Variants in TMEM254 observed in about 807,000 individuals in gnomAD.
The protein encoded by TMEM254 is transmembrane protein 254, also known as transmembrane protein C10orf57.
In TMEM254, 16 loss-of-function variants were observed where a neutral mutation model predicts 13.9. That is an observed-to-expected ratio of 1.15 (90% CI 0.78 to 1.75). TMEM254 has a LOEUF of 1.75. TMEM254 is among the 40% of genes most tolerant of loss of function. TMEM254 has a pLI of 0.00. For synonymous variants in TMEM254, 61 were observed against 56.4 expected, an observed-to-expected ratio of 1.08 and a Z score of -0.36; for missense variants, 155 against 149.0, an observed-to-expected ratio of 1.04 and a Z score of -0.21.
At chr10:80,084,178 C>T (rs576225124) in intron 3 of TMEM254, among the ~76,000 whole-genome samples, 1 of 152,262 alleles carries the variant, frequency 6.6e-6, no homozygotes, top group Non-Finnish European at 1.5e-5. Context: ...AGTATTGGCT[C>T]TTTCTCTCTA....
At chr10:80,082,083 G>T in intron 2 of TMEM254, 62 bp from the exon 3 acceptor site, 1 of 1,597,178 alleles carries the variant, frequency 6.3e-7, no homozygotes, top group Non-Finnish European at 8.6e-7. Context: ...AGATTGCTGT[G>T]TTAGATTTCA....
Position 80,083,652 on chromosome 10 carries a change from C to T in TMEM254, c.251+1448C>T, listed in dbSNP as rs142821618. 4.2e-3 allele frequency among the ~76,000 whole-genome samples: 641 copies of T among 152,298 alleles called. 8 individuals carry two copies. The highest frequency in any genetic ancestry group is 0.015 in the African/African-American group (613 of 41,560). On this transcript the variant is annotated intron_variant, in intron 3 of 3. Coordinates refer to ENST00000372281, the MANE Select transcript of TMEM254 (RefSeq NM_025125.4). ...TTTTCATCCAGCTGGGGCTCAGGAG[C>T]CTGCAGTGGGGAGAAGGGTGCAGTT...
intron 3 of TMEM254, among the ~76,000 whole-genome samples, chr10:80,089,678 T>TG (rs112486443): frequency 0.34 from 49,734 of 147,630 alleles, 8,334 homozygotes; most frequent in Middle Eastern, 0.38. Context: ...ACCCCATCTC[T>TG]GGGGGGGTTG....
chr10:80,081,745 A>T (rs1844039965), intron 1 of TMEM254, 96 bp from the exon 2 acceptor site: 1 of 1,609,474 alleles, frequency 6.2e-7, no homozygotes, highest in African/African-American at 1.3e-5. Flanking sequence ...GTCTGTGGTA[A>T]TTTTTTTACT....
chr10:80,090,476 A>G, intron 3 of TMEM254: 1 of 716,500 alleles, frequency 1.4e-6, no homozygotes, highest in Non-Finnish European at 2.6e-6. Flanking sequence ...TTTGCAAAAC[A>G]TTTGCTCTGA....
At chr10:80,090,756 G>A (rs1258482818) in intron 3 of TMEM254, 41 bp from the exon 4 acceptor site, 23 of 1,593,276 alleles carry the variant, frequency 1.4e-5, no homozygotes, top group Non-Finnish European at 1.8e-5. Context: ...GAAACTGTAA[G>A]ATTAACATCT....
intron 3 of TMEM254, chr10:80,090,327 T>C (rs569854925): frequency 1.4e-6 from 1 of 716,714 alleles, no homozygotes; most frequent in South Asian, 1.5e-5. Flanking sequence ...TATTATCCCA[T>C]AAATCATCTC....
rs948880874 is a variant in TMEM254 at position 80,091,530 on chromosome 10, T to A, written c.*613T>A. The A allele has an allele frequency of 6.6e-6, 1 of 152,504 alleles. No homozygotes were observed. Among genetic ancestry groups the A allele is most frequent in the Non-Finnish European group, 1.5e-5 (1 of 68,190 alleles). The allele number at this position is 152,504 out of a possible 1,614,324, so 9.4% of individuals were successfully genotyped here. ...CAGGCATAGAGGCACGCTGAGAACC[T>A]GGAGGGGAGACTGCAGAGTGCCTTC... On this transcript the variant is annotated 3_prime_UTR_variant, in exon 4 of 4. Coordinates refer to ENST00000372281, the MANE Select transcript of TMEM254 (RefSeq NM_025125.4).
chr10:80,083,013 ATT>A (rs2051418041), intron 3 of TMEM254, among the ~76,000 whole-genome samples: 1 of 151,250 alleles, frequency 6.6e-6, no homozygotes, highest in Non-Finnish European at 1.5e-5. Context: ...TAAAAATAAT[ATT>A]GATTGGGTAC....
intron 3 of TMEM254, chr10:80,090,466 T>C (rs899938846): frequency 4.2e-6 from 3 of 716,586 alleles, no homozygotes; most frequent in African/African-American, 3.5e-5. Flanking sequence ...ATCTGGTCTA[T>C]TTGCAAAACA....
Position 80,092,125 on chromosome 10 carries a change from C to T in TMEM254, c.*1208C>T, listed in dbSNP as rs1442402280. 4.6e-5 allele frequency: 7 copies of T among 152,230 alleles called. No homozygotes were observed. The allele number at this position is 152,230 out of a possible 1,614,324, so 9.4% of individuals were successfully genotyped here. ...TCACCACTAGGAGCCATTAGGGCTT[C>T]TTCCCTGGAGGACTGCCTGCTTGCT... On this transcript the variant is annotated 3_prime_UTR_variant, in exon 4 of 4. Coordinates refer to ENST00000372281, the MANE Select transcript of TMEM254 (RefSeq NM_025125.4).
At position 80,090,959 on chromosome 10, in the gene TMEM254, A is replaced by G; in HGVS notation, c.*42A>G. 1 of 1,602,794 alleles carries G rather than the reference A, an allele frequency of 6.2e-7. No individual in the cohort carries two copies. The highest frequency in any genetic ancestry group is 1.4e-5 in the African/African-American group (1 of 74,032). On this transcript the variant is annotated 3_prime_UTR_variant, in exon 4 of 4. Transcript: ENST00000372281. ...GCTCTACACTTTTACATTCATCCTC[A>G]CCCTTTTTTTTGTGGGGTAGAGGAG...
intron 3 of TMEM254, chr10:80,090,553 G>T (rs1379664901): frequency 1.5e-6 from 1 of 672,512 alleles, no homozygotes; most frequent in Non-Finnish European, 2.7e-6. Flanking sequence ...TTATAATACT[G>T]TGCCCTAGAC....
At chr10:80,084,661 G>A (rs7905203) in intron 3 of TMEM254, among the ~76,000 whole-genome samples, 57,413 of 151,954 alleles carry the variant, frequency 0.38, 11,642 homozygotes, top group East Asian at 0.71. Flanking sequence ...AGCCCACTAG[G>A]ACCTCTTTCC....
intron 2 of TMEM254, 45 bp from the exon 3 acceptor site, chr10:80,082,100 G>A: frequency 6.2e-7 from 1 of 1,608,284 alleles, no homozygotes; most frequent in Admixed American, 1.7e-5. Context: ...TTCATCAGCA[G>A]ATAACTATCA....
rs1346489732 is a variant in TMEM254, at chr10:80,078,697, G to C, written c.-3G>C. ...AGCGCGCTCCCGGGGAGGTGTTGCA[G>C]CCATGGCTACGGCAGCCGGCGCGAC... On this transcript the variant is annotated 5_prime_UTR_variant, in exon 1 of 4. Coordinates refer to ENST00000372281, the MANE Select transcript of TMEM254 (RefSeq NM_025125.4). The C allele has an allele frequency of 6.3e-7, 1 of 1,598,398 alleles. No individual in the cohort carries two copies. Among genetic ancestry groups the C allele is most frequent in the Non-Finnish European group, 8.5e-7 (1 of 1,174,434 alleles).
Position 80,090,983 on chromosome 10 carries a change from A to G in TMEM254, c.*66A>G. 3.2e-6 allele frequency: 5 copies of G among 1,571,994 alleles called. No individual in the cohort carries two copies. The South Asian group carries it at 6.0e-5, about 19-fold the overall frequency. ...CACCCTTTTTTTTGTGGGGTAGAGG[A>G]GGTGCAGTAATTTACTCAGTGATCT... On this transcript the variant is annotated 3_prime_UTR_variant, in exon 4 of 4. Transcript: ENST00000372281.
rs1446121818 is a variant in TMEM254 at position 80,092,464 on chromosome 10, A to AATAACAGTAATAGTGGTG, written c.*1548_*1565dup. The AATAACAGTAATAGTGGTG allele has an allele frequency of 1.3e-5, 2 of 152,224 alleles. No individual in the cohort carries two copies. Among genetic ancestry groups the AATAACAGTAATAGTGGTG allele is most frequent in the African/African-American group, 4.8e-5 (2 of 41,464 alleles). 9.4% of individuals were successfully genotyped at this position (152,224 alleles called of 1,614,324 possible). A position where few individuals can be genotyped will look rare whatever the true frequency, so the allele number is the denominator to read the frequency against. ...TACCTGGTCTTCCTCAAAGAGAAAT[A>AATAACAGTAATAGTGGTG]ATAACAGTAATAGTGGTGCTGGGAA... On this transcript the variant is annotated 3_prime_UTR_variant, in exon 4 of 4. Transcript: ENST00000372281.
rs944709030 is a variant in TMEM254 at position 80,088,428 on chromosome 10, A to G, written c.252-2369A>G. Among the ~76,000 whole-genome samples the G allele has an allele frequency of 5.3e-5, 8 of 149,828 alleles. No homozygotes were observed. The Admixed American group carries it at 5.5e-4, about 10-fold the overall frequency. ...ATTTGGAGAATATTGGCATATTTCC[A>G]TTATGTTTTTTTTCTTTTTTTTTTC... On this transcript the variant is annotated intron_variant, in intron 3 of 3. Transcript: ENST00000372281.
Sources: gnomAD v4.1 joint callset for allele counts (sites outside exome capture counted in the v4.1 genomes callset) on GRCh38, gnomAD v4.1.1 for gene constraint, MANE v1.5 for transcripts, NCBI Gene and HGNC (gene_info 2026-07-23, HGNC 2026-07-21) for gene names.